Variants in ADGRV1 observed in about 807,000 individuals in gnomAD.
The protein encoded by ADGRV1 is adhesion G protein-coupled receptor V1.
ADGRV1 carries 359 observed loss-of-function variants against 596.2 expected under a neutral mutation model. The observed-to-expected ratio is 0.60, with a 90% confidence interval of 0.55 to 0.66. The LOEUF (loss-of-function observed/expected upper bound fraction) is 0.66. Ranked by LOEUF, ADGRV1 falls within the 30% of genes least tolerant of loss-of-function variation. ADGRV1 has a pLI of 0.00. For synonymous variants in ADGRV1, 2,681 were observed against 2,679.2 expected, an observed-to-expected ratio of 1.00 and a Z score of -0.02; for missense variants, 7,274 against 7,575.6, an observed-to-expected ratio of 0.96 and a Z score of 1.48.
At chr5:90,971,281 A>T (rs1778957458) in intron 84 of ADGRV1, among the ~76,000 whole-genome samples, 1 of 152,240 alleles carries the variant, frequency 6.6e-6, no homozygotes, top group South Asian at 2.1e-4. Context: ...ACTTTGCAGG[A>T]TATTATCCAG....
intron 33 of ADGRV1, 49 bp downstream of exon 33, chr5:90,694,750 T>TA (rs1746970477): frequency 7.0e-7 from 1 of 1,420,698 alleles, no homozygotes; most frequent in African/African-American, 1.4e-5. Context: ...AAAGTCATCA[T>TA]AGTCCATTTT....
chr5:90,771,367 A>G (rs1397642230), intron 59 of ADGRV1, among the ~76,000 whole-genome samples: 1 of 152,190 alleles, frequency 6.6e-6, no homozygotes, highest in Non-Finnish European at 1.5e-5. Flanking sequence ...AGGAAAATTA[A>G]TTTCTCTCAC....
chr5:91,087,610 A>G (rs557591641), intron 86 of ADGRV1, among the ~76,000 whole-genome samples: 1 of 152,286 alleles, frequency 6.6e-6, no homozygotes, highest in African/African-American at 2.4e-5. Context: ...GTAATTCAAC[A>G]TTTTATCTAT....
chr5:90,927,498 T>A (rs1166198896), intron 83 of ADGRV1, among the ~76,000 whole-genome samples: 1 of 152,230 alleles, frequency 6.6e-6, no homozygotes, highest in African/African-American at 2.4e-5. Context: ...TAGATCTTCC[T>A]CCATCCTTTT....
chr5:90,608,686 T>C (rs1478599740), intron 1 of ADGRV1, among the ~76,000 whole-genome samples: 2 of 151,932 alleles, frequency 1.3e-5, no homozygotes, highest in African/African-American at 4.8e-5. Context: ...GTGTTCTCCA[T>C]CAAAACAAGG....
At chr5:91,022,660 T>A (rs573953660) in intron 85 of ADGRV1, among the ~76,000 whole-genome samples, 4 of 152,258 alleles carry the variant, frequency 2.6e-5, no homozygotes, top group Admixed American at 2.6e-4. Context: ...TTACTTGAAA[T>A]GGCTAACACC....
intron 1 of ADGRV1, among the ~76,000 whole-genome samples, chr5:90,601,609 C>A (rs575326761): frequency 1.1e-4 from 16 of 152,152 alleles, no homozygotes; most frequent in Non-Finnish European, 2.1e-4. Flanking sequence ...AGTCTTATAA[C>A]TTCATTTTAC....
At position 90,676,131 on chromosome 5, in the gene ADGRV1, T is replaced by C; in HGVS notation, c.5365T>C (p.Phe1789Leu). The change falls in exon 25 of 90, where the codon TTC becomes CTC. Residue 1789 changes from phenylalanine (F) to leucine (L), a missense_variant. Phe to Leu is a conservative substitution (Grantham distance 22). Transcript: ENST00000405460. ...FQPGERYKYI[F>L]INITDNSIPE... Reference sequence around the variant, plus strand: ...ACCAGGAGAAAGATATAAATACATTTTCATAAACATCACTGATAATTCTAT... The same window carrying C: ...ACCAGGAGAAAGATATAAATACATTCTCATAAACATCACTGATAATTCTAT... 6.2e-7 allele frequency: 1 copy of C among 1,604,906 alleles called. No individual in the cohort carries two copies. The highest frequency in any genetic ancestry group is 8.5e-7 in the Non-Finnish European group (1 of 1,174,470).
chr5:90,879,070 C>T (rs1352545685), intron 83 of ADGRV1, among the ~76,000 whole-genome samples: 1 of 152,124 alleles, frequency 6.6e-6, no homozygotes, highest in Non-Finnish European at 1.5e-5. Flanking sequence ...ATGTTTGAAG[C>T]AAGGCTTTTG....
At chr5:90,908,955 A>AG (rs1198326685) in intron 83 of ADGRV1, among the ~76,000 whole-genome samples, 2 of 152,182 alleles carry the variant, frequency 1.3e-5, no homozygotes, top group Non-Finnish European at 2.9e-5. Flanking sequence ...GTAGGATTTT[A>AG]GAGTGATTTT....
At chr5:91,146,104 G>C (rs1395178700) in intron 87 of ADGRV1, among the ~76,000 whole-genome samples, 2 of 152,154 alleles carry the variant, frequency 1.3e-5, no homozygotes, top group Non-Finnish European at 2.9e-5. Context: ...GAAAAATCTT[G>C]ATGTTAACTC....
In ADGRV1 at chr5:90,853,291, A is replaced by G; in HGVS notation, c.17212A>G (p.Thr5738Ala). 6.2e-7 allele frequency: 1 copy of G among 1,604,146 alleles called. No homozygotes were observed. ...TCGSPGEKSK[T>A]ILDSCPYLSI... is the part of the protein sequence containing the mutation. ...TTTGCTTTTCTGTTGTAGAAGCAAA[A>G]CCATCCTTGATAGTTGCCCATATTT... Residue 5738 changes from threonine (T) to alanine (A), a missense_variant, in exon 80 of 90, where the codon ACC (threonine) becomes GCC (alanine). Transcript: ENST00000405460.
At chr5:90,976,328 A>G (rs997709738) in intron 84 of ADGRV1, among the ~76,000 whole-genome samples, 31 of 130,358 alleles carry the variant, frequency 2.4e-4, no homozygotes, top group African/African-American at 4.8e-4. Flanking sequence ...GTGTGTATAT[A>G]TATATATATA....
At chr5:90,989,565 A>G (rs1373452296) in intron 85 of ADGRV1, among the ~76,000 whole-genome samples, 2 of 129,446 alleles carry the variant, frequency 1.5e-5, no homozygotes, top group Non-Finnish European at 3.4e-5. Flanking sequence ...TTGCCTCCTA[A>G]CTTGTGCCCC....
intron 85 of ADGRV1, among the ~76,000 whole-genome samples, chr5:91,068,332 G>T (rs1413285323): frequency 5.3e-5 from 8 of 151,864 alleles, no homozygotes; most frequent in Non-Finnish European, 7.4e-5. Flanking sequence ...AGCTGGGCAT[G>T]GTGGTGGGCA....
rs775156018 is a variant in ADGRV1 at position 90,625,193 on chromosome 5, C to A, written c.622C>A (p.Pro208Thr). ...TCCAGTTAAAGGAAATATCACCTTT[C>A]CCCCTGGCAGAGCAACAGTAATTTA... ...LSPVKGNITF[P>T]PGRATVIYNL... Residue 208 changes from proline (P) to threonine (T), a missense_variant, in exon 6 of 90, where the codon CCC becomes ACC. Transcript: ENST00000405460. 2 of 1,613,412 alleles carry A rather than the reference C, an allele frequency of 1.2e-6. No individual in the cohort carries two copies. Among genetic ancestry groups the A allele is most frequent in the Admixed American group, 1.7e-5 (1 of 59,994 alleles).
chr5:91,057,852 T>C (rs1787027902), intron 85 of ADGRV1, among the ~76,000 whole-genome samples: 1 of 152,176 alleles, frequency 6.6e-6, no homozygotes, highest in African/African-American at 2.4e-5. Context: ...AAAATGTTGA[T>C]GTGTGGTGTC....
intron 45 of ADGRV1, among the ~76,000 whole-genome samples, chr5:90,721,720 G>A (rs1004118857): frequency 1.3e-5 from 2 of 152,138 alleles, no homozygotes; most frequent in Non-Finnish European, 2.9e-5. Flanking sequence ...AAGTGCTTTT[G>A]TCAAAGGAGA....
chr5:90,648,989 C>T (rs1017810505), intron 17 of ADGRV1, among the ~76,000 whole-genome samples: 2 of 152,050 alleles, frequency 1.3e-5, no homozygotes, highest in Non-Finnish European at 2.9e-5. Context: ...TACAGAAAAG[C>T]GATGAAGGAA....
Sources: gnomAD v4.1 joint callset for allele counts (sites outside exome capture counted in the v4.1 genomes callset) on GRCh38, gnomAD v4.1.1 for gene constraint, MANE v1.5 for transcripts, NCBI Gene and HGNC (gene_info 2026-07-23, HGNC 2026-07-21) for gene names.